Variants in ENPP2 observed in about 807,000 individuals in gnomAD.
ENPP2 encodes ectonucleotide pyrophosphatase/phosphodiesterase 2.
A neutral mutation model predicts 120.2 loss-of-function variants in ENPP2; 51 were observed. The observed-to-expected ratio is 0.42, with a 90% CI of 0.34 to 0.54. The LOEUF (loss-of-function observed/expected upper bound fraction) is 0.54, where lower values mean the gene tolerates loss of function less well. Among genes scored for constraint, ENPP2 ranks in the 20% least tolerant of loss-of-function variants. The probability of loss-of-function intolerance (pLI) is 0.04; values close to 1 mark genes in which losing one functional copy is unlikely to be tolerated. For missense variants in ENPP2, 920 were observed against 1,066.5 expected, an observed-to-expected ratio of 0.86 and a Z score of 1.91; for synonymous variants, 365 against 366.4, an observed-to-expected ratio of 1.00 and a Z score of 0.04.
At chr8:119,570,062 A>T (rs1814833797) in intron 20 of ENPP2, among the ~76,000 whole-genome samples, 1 of 152,126 alleles carries the variant, frequency 6.6e-6, no homozygotes, top group Non-Finnish European at 1.5e-5. Context: ...TGAGGTCAGG[A>T]GTTCGAGACC....
chr8:119,660,098 G>T (rs187094378), intron 1 of ENPP2, among the ~76,000 whole-genome samples: 1 of 152,222 alleles, frequency 6.6e-6, no homozygotes, highest in African/African-American at 2.4e-5. Flanking sequence ...TAAAAAGGAG[G>T]GGCCACTGTG....
At chr8:119,631,449 A>G (rs1468094440) in intron 2 of ENPP2, among the ~76,000 whole-genome samples, 1 of 146,776 alleles carries the variant, frequency 6.8e-6, no homozygotes, top group Non-Finnish European at 1.5e-5. Context: ...ATCTCCTGAC[A>G]TTGTGATCCG....
intron 1 of ENPP2, among the ~76,000 whole-genome samples, chr8:119,658,906 G>T (rs1281741914): frequency 2.0e-5 from 3 of 152,334 alleles, no homozygotes; most frequent in South Asian, 2.1e-4. Flanking sequence ...AGTGTGGAGG[G>T]TTGAGGCAGA....
chr8:119,628,673 G>A (rs1188043326), intron 2 of ENPP2, among the ~76,000 whole-genome samples: 1 of 152,182 alleles, frequency 6.6e-6, no homozygotes, highest in Non-Finnish European at 1.5e-5. Context: ...ATACAGGATA[G>A]AGTGTTATAT....
At chr8:119,632,792 G>A (rs74309054) in intron 2 of ENPP2, among the ~76,000 whole-genome samples, 262 of 152,300 alleles carry the variant, frequency 1.7e-3, no homozygotes, top group African/African-American at 5.6e-3. Flanking sequence ...AGTGCCGGCC[G>A]GGCACGGTGG....
chr8:119,617,292 CT>C, intron 6 of ENPP2, 49 bp from the exon 7 acceptor site: 3 of 1,457,054 alleles, frequency 2.1e-6, no homozygotes, highest in South Asian at 1.1e-5. Context: ...ACAGGAATTG[CT>C]TATAGAAAAT....
intron 18 of ENPP2, chr8:119,581,183 T>C (rs1812705928): frequency 1.3e-5 from 2 of 150,542 alleles, no homozygotes; most frequent in South Asian, 2.1e-4. Context: ...GGAGAATAAC[T>C]TGAACTCAGG....
Position 119,557,539 on chromosome 8 carries a change from T to C in ENPP2, c.2574A>G (p.Thr858=), listed in dbSNP as rs370640393. 7 of 1,612,942 alleles carry C rather than the reference T, an allele frequency of 4.3e-6. No individual in the cohort carries two copies. Among genetic ancestry groups the C allele is most frequent in the Middle Eastern group, 1.8e-4 (1 of 5,458 alleles). The change falls in exon 25 of 25, where the codon ACA becomes ACG. Residue 858 remains threonine, a synonymous_variant. Coordinates refer to ENST00000075322, the MANE Select transcript of ENPP2 (RefSeq NM_001040092.3). Reference sequence around the variant, plus strand: ...CAGAAAGTTAAATCTCGCTCTCATATGTATGCAGGTATGTCTTGAGTGTCA... The same window carrying C: ...CAGAAAGTTAAATCTCGCTCTCATACGTATGCAGGTATGTCTTGAGTGTCA... ...EILTLKTYLH[T]YESEI
chr8:119,574,277 C>T (rs1281649553), intron 19 of ENPP2, among the ~76,000 whole-genome samples: 6 of 151,946 alleles, frequency 3.9e-5, no homozygotes, highest in Non-Finnish European at 7.4e-5. Context: ...ACAAAATGTA[C>T]TTGAATCTTG....
chr8:119,582,860 A>G (rs551289357), intron 17 of ENPP2, among the ~76,000 whole-genome samples: 1 of 152,354 alleles, frequency 6.6e-6, no homozygotes, highest in South Asian at 2.1e-4. Context: ...TCCCAGAAAG[A>G]AAGAGTGAAG....
intron 9 of ENPP2, among the ~76,000 whole-genome samples, chr8:119,607,689 T>G (rs370148617): frequency 8.7e-5 from 12 of 137,932 alleles, no homozygotes; most frequent in East Asian, 2.0e-4. Context: ...AAAAAAAAAA[T>G]AGAGAGAGAC....
At chr8:119,599,314 A>G (rs1221319175) in intron 11 of ENPP2, among the ~76,000 whole-genome samples, 1 of 152,202 alleles carries the variant, frequency 6.6e-6, no homozygotes, top group Non-Finnish European at 1.5e-5. Flanking sequence ...ATTGATGTCA[A>G]AGCATTCAGA....
upstream of ENPP2, among the ~76,000 whole-genome samples, chr8:119,640,871 C>T (rs901291610): frequency 2.1e-4 from 32 of 152,226 alleles, no homozygotes; most frequent in East Asian, 2.9e-3. Context: ...CTCAGCCTCC[C>T]GAGTAGCTGG....
intron 2 of ENPP2, among the ~76,000 whole-genome samples, chr8:119,636,641 A>G (rs1217377333): frequency 6.6e-6 from 1 of 152,216 alleles, no homozygotes; most frequent in Non-Finnish European, 1.5e-5. Context: ...TCATTAGTTC[A>G]TATAGCTATT....
At position 119,568,157 on chromosome 8, in the gene ENPP2, G is replaced by A. The variant is rs758295948; in HGVS notation, c.2131+18C>T. On this transcript the variant is annotated intron_variant, in intron 22 of 24. Coordinates refer to ENST00000075322, the MANE Select transcript of ENPP2 (RefSeq NM_001040092.3). ...TATTTTCATAAATAACAGTGTATTA[G>A]GTAAATATTGGACTTACGTTTGAAA... 2.3e-6 allele frequency: 3 copies of A among 1,316,410 alleles called. No homozygotes were observed. Among genetic ancestry groups the A allele is most frequent in the African/African-American group, 2.9e-5 (2 of 68,738 alleles). The allele number at this position is 1,316,410 out of a possible 1,614,324, so 81.5% of individuals were successfully genotyped here. A position where few individuals can be genotyped will look rare whatever the true frequency, so the allele number is the denominator to read the frequency against.
chr8:119,598,100 A>G (rs1814032351), intron 11 of ENPP2, among the ~76,000 whole-genome samples: 1 of 152,216 alleles, frequency 6.6e-6, no homozygotes, highest in Admixed American at 6.5e-5. Context: ...AGGTGTATAA[A>G]CCAATTAGCC....
intron 21 of ENPP2, 64 bp from the exon 22 acceptor site, chr8:119,568,316 A>AAGG: frequency 1.1e-6 from 1 of 894,304 alleles, no homozygotes; most frequent in Non-Finnish European, 1.8e-6. Flanking sequence ...TAAAAAAAAA[A>AAGG]GGGAGAGGGG....
intron 3 of ENPP2, among the ~76,000 whole-genome samples, chr8:119,624,319 A>G (rs1017713240): frequency 2.0e-5 from 3 of 152,196 alleles, no homozygotes; most frequent in Admixed American, 6.5e-5. Context: ...AAAATATTTA[A>G]CCTTATTGGA....
At chr8:119,673,286 C>T (rs1398486876) in exon 1 of ENPP2, 11 of 1,535,122 alleles carry the variant, frequency 7.2e-6, no homozygotes, top group South Asian at 1.2e-5. Flanking sequence ...GCGGGAGTCT[C>T]GGCGTCTGTT....
Sources: gnomAD v4.1 joint callset for allele counts (sites outside exome capture counted in the v4.1 genomes callset) on GRCh38, gnomAD v4.1.1 for gene constraint, MANE v1.5 for transcripts, NCBI Gene and HGNC (gene_info 2026-07-23, HGNC 2026-07-21) for gene names.